RAB3GAP2: variants seen among roughly 807,000 people sequenced by gnomAD.
RAB3GAP2 encodes rab3 GTPase-activating protein non-catalytic subunit.
Under a neutral mutation model 185.3 loss-of-function variants are expected in RAB3GAP2, and 87 were observed. That is an observed-to-expected ratio of 0.47 (90% CI 0.39 to 0.56). The LOEUF (loss-of-function observed/expected upper bound fraction) is 0.56, where lower values mean the gene tolerates loss of function less well. RAB3GAP2 is among the 20% of genes least tolerant of loss of function. The probability of loss-of-function intolerance (pLI) is 0.00; values close to 1 mark genes in which losing one functional copy is unlikely to be tolerated. For synonymous variants in RAB3GAP2, 554 were observed against 576.1 expected (o/e 0.96, Z 0.55); for missense variants, 1,492 against 1,638.2 (o/e 0.91, Z 1.54).
At chr1:220,167,931 G>A (rs905757216) in intron 24 of RAB3GAP2, among the ~76,000 whole-genome samples, 8 of 152,104 alleles carry the variant, frequency 5.3e-5, no homozygotes, top group Admixed American at 1.3e-4. Flanking sequence ...AAATGCACAT[G>A]CATATGTCTA....
intron 21 of RAB3GAP2, among the ~76,000 whole-genome samples, chr1:220,176,260 T>C (rs1021832922): frequency 6.6e-6 from 1 of 152,196 alleles, no homozygotes; most frequent in Non-Finnish European, 1.5e-5. Flanking sequence ...TATTAACTGT[T>C]ATCTCACATA....
intron 1 of RAB3GAP2, chr1:220,266,679 A>G (rs1660232278): frequency 7.8e-6 from 12 of 1,545,844 alleles, no homozygotes; most frequent in Non-Finnish European, 4.5e-6. Context: ...GCCCTGGCTC[A>G]AGGATTTCTC....
intron 9 of RAB3GAP2, chr1:220,200,587 T>C (rs1658833701): frequency 3.8e-6 from 2 of 529,976 alleles, no homozygotes; most frequent in Non-Finnish European, 7.7e-6. Context: ...ATAGTTTCTA[T>C]CCAATCATTT....
chr1:220,268,420 CGTAGA>C (rs973407220), intron 1 of RAB3GAP2, among the ~76,000 whole-genome samples: 66 of 152,252 alleles, frequency 4.3e-4, no homozygotes, highest in African/African-American at 1.5e-3. Context: ...TCTTGAATAC[CGTAGA>C]GTACAGTCTC....
At chr1:220,220,096 A>T (rs1259475929) in intron 2 of RAB3GAP2, among the ~76,000 whole-genome samples, 1 of 152,220 alleles carries the variant, frequency 6.6e-6, no homozygotes, top group Non-Finnish European at 1.5e-5. Context: ...CCTGAAATGT[A>T]AAACAAAAAA....
At chr1:220,256,808 A>G (rs1660039431) in intron 1 of RAB3GAP2, among the ~76,000 whole-genome samples, 1 of 152,182 alleles carries the variant, frequency 6.6e-6, no homozygotes, top group South Asian at 2.1e-4. Flanking sequence ...ATAGTGGGAG[A>G]TTTTAACACC....
At chr1:220,154,305 T>G in intron 31 of RAB3GAP2, 1 of 440,806 alleles carries the variant, frequency 2.3e-6, no homozygotes, top group Non-Finnish European at 3.9e-6. Flanking sequence ...TGGAGGCTGA[T>G]GACTTGCTTC....
intron 7 of RAB3GAP2, among the ~76,000 whole-genome samples, chr1:220,206,770 C>T (rs1383708094): frequency 1.3e-5 from 2 of 152,194 alleles, no homozygotes; most frequent in African/African-American, 2.4e-5. Flanking sequence ...TTTGCATGTG[C>T]TTGGATCTTC....
At chr1:220,155,831 G>C (rs77531584) in intron 31 of RAB3GAP2, among the ~76,000 whole-genome samples, 2,524 of 152,110 alleles carry the variant, frequency 0.017, 131 homozygotes, top group South Asian at 0.16. Flanking sequence ...GTTTCACAAA[G>C]GCCTTTTCTG....
chr1:220,261,745 T>G lies in RAB3GAP2; in HGVS notation c.115+10478A>C, dbSNP rs532232734. On this transcript the variant is annotated intron_variant, in intron 1 of 34. Coordinates refer to ENST00000358951, the MANE Select transcript of RAB3GAP2 (RefSeq NM_012414.4). ...AATATATCTGTTTAGAACTCAAATCTTAAAATATTTTTGCTACACTTTTAC... is the reference window on the plus strand; with the variant it reads ...AATATATCTGTTTAGAACTCAAATCGTAAAATATTTTTGCTACACTTTTAC... 2.2e-3 allele frequency among the ~76,000 whole-genome samples: 335 copies of G among 152,268 alleles called. 2 individuals are homozygous for G. In the Middle Eastern group the frequency reaches 0.041, roughly 19 times the overall value.
At chr1:220,268,172 A>G (rs902903520) in intron 1 of RAB3GAP2, among the ~76,000 whole-genome samples, 6 of 152,246 alleles carry the variant, frequency 3.9e-5, no homozygotes, top group Admixed American at 3.9e-4. Context: ...GGCAAATACC[A>G]TCAGCAGTTT....
intron 17 of RAB3GAP2, among the ~76,000 whole-genome samples, chr1:220,187,776 C>A (rs1475317213): frequency 1.3e-5 from 2 of 151,930 alleles, no homozygotes; most frequent in African/African-American, 2.4e-5. Flanking sequence ...TTGATCTCTA[C>A]CCTCTGTAAT....
At chr1:220,186,036 C>T (rs1481189896) in intron 17 of RAB3GAP2, among the ~76,000 whole-genome samples, 3 of 152,074 alleles carry the variant, frequency 2.0e-5, no homozygotes, top group Non-Finnish European at 2.9e-5. Context: ...AAAGATAAAG[C>T]TATTTACCAA....
intron 1 of RAB3GAP2, among the ~76,000 whole-genome samples, chr1:220,258,265 C>T (rs558549294): frequency 7.2e-5 from 11 of 152,118 alleles, no homozygotes; most frequent in African/African-American, 2.4e-4. Context: ...TACCAAAACC[C>T]GGCAGAGATA....
At chr1:220,177,908 A>T (rs542443216) in intron 21 of RAB3GAP2, among the ~76,000 whole-genome samples, 9 of 152,342 alleles carry the variant, frequency 5.9e-5, no homozygotes, top group African/African-American at 1.7e-4. Flanking sequence ...AATAAGTAAT[A>T]ACAGAAAACT....
chr1:220,224,005 C>CA (rs1170784100), intron 2 of RAB3GAP2, among the ~76,000 whole-genome samples: 12,285 of 89,950 alleles, frequency 0.14, 829 homozygotes, highest in East Asian at 0.28. Flanking sequence ...GACCCTATCT[C>CA]AAAAAAAAAA....
In RAB3GAP2 at chr1:220,157,792, C is replaced by A. The variant is rs771074307; in HGVS notation, c.3336+10G>T. On this transcript the variant is annotated intron_variant, in intron 30 of 34. Transcript: ENST00000358951. ...GGAGCAGTTCAGAATGAAAAATACACCTCTTTTACCTCCATTAAGATCTGA... is the reference window on the plus strand; with the variant it reads ...GGAGCAGTTCAGAATGAAAAATACAACTCTTTTACCTCCATTAAGATCTGA... 1.8e-5 allele frequency: 28 copies of A among 1,599,178 alleles called. No individual in the cohort carries two copies. The South Asian group carries it at 3.1e-4, about 18-fold the overall frequency.
chr1:220,226,983 A>C (rs1482710329), intron 2 of RAB3GAP2, among the ~76,000 whole-genome samples: 1 of 152,228 alleles, frequency 6.6e-6, no homozygotes, highest in Admixed American at 6.5e-5. Flanking sequence ...ACAGCAAGAA[A>C]GCAGTTGTCT....
At chr1:220,176,804 G>A (rs1232619874) in intron 21 of RAB3GAP2, among the ~76,000 whole-genome samples, 1 of 152,088 alleles carries the variant, frequency 6.6e-6, no homozygotes, top group African/African-American at 2.4e-5. Flanking sequence ...ATCTGTGCAG[G>A]AACTTGCTGA....
Sources: allele counts gnomAD v4.1 joint callset (sites outside exome capture counted in the v4.1 genomes callset), GRCh38; gene constraint gnomAD v4.1.1; transcripts MANE v1.5; gene names NCBI Gene and HGNC (gene_info 2026-07-23, HGNC 2026-07-21).